Variants in TRPC7 observed in about 807,000 individuals in gnomAD.
TRPC7 encodes transient receptor potential cation channel subfamily C member 7.
Under a neutral mutation model 90.1 loss-of-function variants are expected in TRPC7, and 42 were observed. The ratio of observed to expected loss-of-function variants is 0.47; its 90% CI spans 0.36 to 0.60. The LOEUF (loss-of-function observed/expected upper bound fraction) is 0.60. Ranked by LOEUF, TRPC7 falls within the 20% of genes least tolerant of loss-of-function variation. The pLI, the probability that TRPC7 is intolerant of heterozygous loss-of-function variation, is 0.00. For synonymous variants in TRPC7, 451 were observed against 436.3 expected, an observed-to-expected ratio of 1.03 and a Z score of -0.42; for missense variants, 955 against 1,112.3, an observed-to-expected ratio of 0.86 and a Z score of 2.01.
intron 3 of TRPC7, among the ~76,000 whole-genome samples, chr5:136,312,165 G>A (rs941232664): frequency 2.0e-5 from 3 of 152,076 alleles, no homozygotes; most frequent in Non-Finnish European, 4.4e-5. Context: ...TTGACATTTC[G>A]AAGACACACC....
At chr5:136,331,440 A>C (rs1173711584) in intron 2 of TRPC7, among the ~76,000 whole-genome samples, 4 of 152,132 alleles carry the variant, frequency 2.6e-5, no homozygotes, top group African/African-American at 9.7e-5. Context: ...CATGGAGCTG[A>C]CAGACCAGAG....
At position 136,356,903 on chromosome 5, in the gene TRPC7, G is replaced by A. The variant is rs1434766985; in HGVS notation, c.485C>T (p.Ser162Phe). The change falls in exon 2 of 12, where the codon TCC (serine) becomes TTC (phenylalanine). Residue 162 changes from serine to phenylalanine, a missense_variant. Around this residue, in one of 4 missense-constraint regions of TRPC7, gnomAD observed 484 missense variants for 509.6 expected, o/e 0.95. Transcript: ENST00000513104. Reference sequence around the variant, plus strand: ...CAGGATGATGGGCGTGATGTCGTGGGAGAAGCGCGTGCCGTCCTCGTCGTA... The same window carrying A: ...CAGGATGATGGGCGTGATGTCGTGGAAGAAGCGCGTGCCGTCCTCGTCGTA... ...YAYDEDGTRF[S>F]HDITPIILAA... 3.1e-6 allele frequency: 5 copies of A among 1,613,874 alleles called. No homozygotes were observed. The highest frequency in any genetic ancestry group is 4.2e-6 in the Non-Finnish European group (5 of 1,179,948).
At chr5:136,308,729 C>G (rs1161827819) in intron 3 of TRPC7, among the ~76,000 whole-genome samples, 4 of 152,196 alleles carry the variant, frequency 2.6e-5, no homozygotes, top group African/African-American at 7.2e-5. Flanking sequence ...TGTTCTCTCT[C>G]TGAGCACATA....
intron 3 of TRPC7, among the ~76,000 whole-genome samples, chr5:136,298,501 AC>A (rs1758261408): frequency 6.6e-6 from 1 of 152,036 alleles, no homozygotes; most frequent in South Asian, 2.1e-4. Context: ...AAGAAGGTGC[AC>A]CCACCTCCAG....
At chr5:136,240,828 A>G (rs758791499) in intron 7 of TRPC7, among the ~76,000 whole-genome samples, 1 of 152,172 alleles carries the variant, frequency 6.6e-6, no homozygotes, top group Non-Finnish European at 1.5e-5. Context: ...TGTGGATTAA[A>G]TGAGAAAGCA....
At chr5:136,315,313 T>G (rs951128994) in intron 3 of TRPC7, among the ~76,000 whole-genome samples, 1 of 152,142 alleles carries the variant, frequency 6.6e-6, no homozygotes, top group Admixed American at 6.5e-5. Context: ...TGCCAGTGGG[T>G]TGAGGCTGAA....
intron 2 of TRPC7, among the ~76,000 whole-genome samples, chr5:136,345,022 T>C (rs1205279944): frequency 6.6e-6 from 1 of 152,206 alleles, no homozygotes; most frequent in Non-Finnish European, 1.5e-5. Context: ...CTCTAGAATC[T>C]TGAGAACATA....
chr5:136,332,813 A>C (rs1387537612), intron 2 of TRPC7, among the ~76,000 whole-genome samples: 1 of 152,236 alleles, frequency 6.6e-6, no homozygotes, highest in African/African-American at 2.4e-5. Flanking sequence ...CTATGAGAGA[A>C]ACACACTTTC....
intron 2 of TRPC7, among the ~76,000 whole-genome samples, chr5:136,326,136 C>A (rs1339234403): frequency 6.6e-6 from 1 of 152,242 alleles, no homozygotes; most frequent in African/African-American, 2.4e-5. Flanking sequence ...CCTTGAGTCA[C>A]TTGCTCAGGC....
chr5:136,237,700 G>A (rs1270555932), intron 7 of TRPC7, among the ~76,000 whole-genome samples: 1 of 152,212 alleles, frequency 6.6e-6, no homozygotes, highest in Non-Finnish European at 1.5e-5. Flanking sequence ...AGGATTGAAT[G>A]AGTTAATGGA....
At chr5:136,223,821 C>T (rs1755539876) in intron 10 of TRPC7, among the ~76,000 whole-genome samples, 3 of 152,118 alleles carry the variant, frequency 2.0e-5, no homozygotes, top group Admixed American at 6.5e-5. Flanking sequence ...CTATACTTCT[C>T]TCTGAAAAGC....
Position 136,212,849 on chromosome 5 carries a change from T to C in TRPC7, c.*586A>G, listed in dbSNP as rs1755136474. Reference sequence around the variant, plus strand: ...CATCATTTGGATTTTGTTGTTGTTTTCTAAACAGTGCTACCTACAGTACAG... The same window carrying C: ...CATCATTTGGATTTTGTTGTTGTTTCCTAAACAGTGCTACCTACAGTACAG... On this transcript the variant is annotated 3_prime_UTR_variant, in exon 12 of 12. Coordinates refer to ENST00000513104, the MANE Select transcript of TRPC7 (RefSeq NM_020389.3). 6.6e-6 allele frequency among the ~76,000 whole-genome samples: 1 copy of C among 152,270 alleles called. No homozygotes were observed. The highest frequency in any genetic ancestry group is 1.9e-4 in the East Asian group (1 of 5,204).
chr5:136,362,530 A>T (rs1760601395), intron 1 of TRPC7, among the ~76,000 whole-genome samples: 1 of 152,206 alleles, frequency 6.6e-6, no homozygotes, highest in South Asian at 2.1e-4. Flanking sequence ...GAGAACATGC[A>T]TTATCATTTT....
rs1317213422 is a variant in TRPC7 at position 136,356,858 on chromosome 5, T to C, written c.530A>G (p.Tyr177Cys). The C allele has an allele frequency of 6.2e-7, 1 of 1,613,886 alleles. No homozygotes were observed. The highest frequency in any genetic ancestry group is 8.5e-7 in the Non-Finnish European group (1 of 1,179,904). Residue 177 changes from tyrosine to cysteine, a missense_variant, in exon 2 of 12, where the codon TAT becomes TGT. This residue lies in a region of TRPC7 where 484 missense variants were observed against 509.6 expected (regional missense o/e 0.95). Coordinates refer to ENST00000513104, the MANE Select transcript of TRPC7 (RefSeq NM_020389.3). The part of the protein sequence containing the change: ...PIILAAHCQE[Y>C]EIVHILLLKG... Reference sequence around the variant, plus strand: ...GAGCAGCAGGATGTGCACGATCTCATACTCCTGGCAGTGCGCCGCCAGGAT... The same window carrying C: ...GAGCAGCAGGATGTGCACGATCTCACACTCCTGGCAGTGCGCCGCCAGGAT...
intron 3 of TRPC7, among the ~76,000 whole-genome samples, chr5:136,291,721 T>C (rs1356707340): frequency 6.6e-6 from 1 of 152,086 alleles, no homozygotes; most frequent in Non-Finnish European, 1.5e-5. Context: ...CTGTCAACAT[T>C]AGACAGATCA....
intron 3 of TRPC7, among the ~76,000 whole-genome samples, chr5:136,305,419 A>T (rs1184759954): frequency 6.6e-6 from 1 of 152,140 alleles, no homozygotes; most frequent in Non-Finnish European, 1.5e-5. Flanking sequence ...TCCTCAAGGA[A>T]ATAACTTCTC....
At chr5:136,352,495 G>C (rs1760223696) in intron 2 of TRPC7, among the ~76,000 whole-genome samples, 1 of 152,036 alleles carries the variant, frequency 6.6e-6, no homozygotes, top group Non-Finnish European at 1.5e-5. Context: ...AGAAAACCAA[G>C]CAGATTAATT....
At chr5:136,276,502 G>A (rs1224157634) in intron 3 of TRPC7, among the ~76,000 whole-genome samples, 4 of 152,150 alleles carry the variant, frequency 2.6e-5, no homozygotes, top group Non-Finnish European at 5.9e-5. Context: ...AATTCACAAT[G>A]TAAGTGACAA....
intron 5 of TRPC7, among the ~76,000 whole-genome samples, chr5:136,254,829 A>T (rs909761078): frequency 6.6e-6 from 1 of 152,248 alleles, no homozygotes; most frequent in Non-Finnish European, 1.5e-5. Context: ...GAAAGGATTT[A>T]TCGTTTTAGA....
Sources: allele counts gnomAD v4.1 joint callset (sites outside exome capture counted in the v4.1 genomes callset), GRCh38; gene constraint gnomAD v4.1.1; regional missense constraint gnomAD v4.1.1; transcripts MANE v1.5; gene names NCBI Gene and HGNC (gene_info 2026-07-23, HGNC 2026-07-21).